Variants in SYT16 observed in about 807,000 individuals in gnomAD.
SYT16 encodes synaptotagmin 16.
SYT16 carries 42 observed loss-of-function variants against 61.4 expected under a neutral mutation model. The ratio of observed to expected loss-of-function variants is 0.68; its 90% confidence interval spans 0.53 to 0.89. The LOEUF is 0.89. Among genes scored for constraint, SYT16 ranks in the 40% least tolerant of loss-of-function variants. SYT16 has a pLI of 0.00. For missense variants in SYT16, 804 were observed against 807.3 expected (o/e 1.00, Z 0.05); for synonymous variants, 314 against 302.3 (o/e 1.04, Z -0.40).
intron 1 of SYT16, among the ~76,000 whole-genome samples, chr14:61,878,933 T>A (rs545165210): frequency 2.6e-5 from 4 of 152,348 alleles, no homozygotes; most frequent in Admixed American, 2.6e-4. Flanking sequence ...GCAATGTCTA[T>A]GTAGCAAGCA....
At chr14:61,870,888 C>T (rs1183617216) in intron 1 of SYT16, among the ~76,000 whole-genome samples, 2 of 152,150 alleles carry the variant, frequency 1.3e-5, no homozygotes, top group Non-Finnish European at 2.9e-5. Flanking sequence ...ATTCTATAAT[C>T]TCTGTCATTA....
At chr14:61,856,618 A>T (rs930843993) in intron 1 of SYT16, among the ~76,000 whole-genome samples, 4 of 152,016 alleles carry the variant, frequency 2.6e-5, no homozygotes, top group Admixed American at 6.6e-5. Flanking sequence ...ATGAGTGGAG[A>T]TCAGGAATTT....
chr14:62,095,656 C>T (rs1221601265), intron 7 of SYT16, among the ~76,000 whole-genome samples: 1 of 151,768 alleles, frequency 6.6e-6, no homozygotes, highest in Non-Finnish European at 1.5e-5. Context: ...AAGAATATTC[C>T]ATATTGTAAA....
chr14:62,021,528 T>C (rs2053908843), intron 3 of SYT16, among the ~76,000 whole-genome samples: 1 of 152,090 alleles, frequency 6.6e-6, no homozygotes, highest in East Asian at 1.9e-4. Context: ...TGCAGAGGTC[T>C]TCAACTGTGC....
chr14:62,073,263 G>C (rs2056366399), intron 4 of SYT16, among the ~76,000 whole-genome samples: 1 of 152,188 alleles, frequency 6.6e-6, no homozygotes, highest in African/African-American at 2.4e-5. Flanking sequence ...TTAAAGTCAT[G>C]AGACAATTTT....
intron 1 of SYT16, among the ~76,000 whole-genome samples, chr14:61,880,466 C>T (rs2047660657): frequency 6.6e-6 from 1 of 152,102 alleles, no homozygotes; most frequent in Non-Finnish European, 1.5e-5. Context: ...TTTACTATTT[C>T]ATGTGCATTT....
chr14:61,841,568 G>A (rs1050905463), intron 1 of SYT16, among the ~76,000 whole-genome samples: 3 of 152,096 alleles, frequency 2.0e-5, no homozygotes, highest in Non-Finnish European at 2.9e-5. Flanking sequence ...CCTGTTACAT[G>A]GGTATTACAT....
chr14:62,035,012 G>A (rs958575662), intron 3 of SYT16, among the ~76,000 whole-genome samples: 2 of 152,144 alleles, frequency 1.3e-5, no homozygotes, highest in African/African-American at 2.4e-5. Context: ...TTGCCTTGTG[G>A]CTTTGGTGTG....
At chr14:62,009,877 C>G (rs1025534179) in intron 3 of SYT16, among the ~76,000 whole-genome samples, 1 of 152,078 alleles carries the variant, frequency 6.6e-6, no homozygotes, top group South Asian at 2.1e-4. Context: ...GTGGTGCTTC[C>G]GATTTCTGAT....
chr14:61,932,315 G>A (rs1031931102), intron 1 of SYT16, among the ~76,000 whole-genome samples: 12 of 152,214 alleles, frequency 7.9e-5, no homozygotes, highest in Admixed American at 3.9e-4. Context: ...ATAGGAGTCT[G>A]TGTTAGTCTG....
intron 7 of SYT16, among the ~76,000 whole-genome samples, chr14:62,085,801 A>G (rs566637897): frequency 2.6e-5 from 4 of 152,380 alleles, no homozygotes; most frequent in African/African-American, 9.6e-5. Context: ...TTTAGAATGC[A>G]TAATAGATGC....
At chr14:62,081,405 C>T in intron 6 of SYT16, 131 bp downstream of exon 6, 5 of 986,344 alleles carry the variant, frequency 5.1e-6, no homozygotes, top group Non-Finnish European at 7.4e-6. Context: ...CTCTCCTCAC[C>T]CTTGTAAGCC....
rs144612627 is a variant in SYT16, at chr14:61,988,358, G to A, written c.-144-7518G>A. Among the ~76,000 whole-genome samples, 1,450 of 152,302 alleles carry A rather than the reference G, an allele frequency of 9.5e-3. 18 individuals carry two copies. The highest frequency in any genetic ancestry group is 0.034 in the African/African-American group (1,395 of 41,572). On this transcript the variant is annotated intron_variant, in intron 2 of 7. Transcript: ENST00000683842. ...AAAAATATTGTGTCATTAAAGCCAT[G>A]TTAAATAGTCCCCCTGGAGATGCTG...
intron 1 of SYT16, among the ~76,000 whole-genome samples, chr14:61,885,612 T>C (rs1387462237): frequency 1.3e-5 from 2 of 152,232 alleles, no homozygotes; most frequent in Non-Finnish European, 2.9e-5. Context: ...TTAGAATGTC[T>C]TACTTGATAG....
intron 1 of SYT16, among the ~76,000 whole-genome samples, chr14:61,892,041 G>C (rs1232958458): frequency 6.6e-6 from 1 of 152,060 alleles, no homozygotes; most frequent in Non-Finnish European, 1.5e-5. Flanking sequence ...TTCAAAGGAA[G>C]ATCTCACTTC....
At position 62,078,067 on chromosome 14, in the gene SYT16, C is replaced by T. The variant is rs138599076; in HGVS notation, c.993+2676C>T. Among the ~76,000 whole-genome samples, 859 of 151,446 alleles carry T rather than the reference C, an allele frequency of 5.7e-3. 5 individuals are homozygous for T. The highest frequency in any genetic ancestry group is 9.4e-3 in the Non-Finnish European group (638 of 67,904). ...AAACCACAGAGAGTGTGATTCCAACCCCCACCTTCCGTCTTCTCCCCCTTC... is the reference window on the plus strand; with the variant it reads ...AAACCACAGAGAGTGTGATTCCAACTCCCACCTTCCGTCTTCTCCCCCTTC... On this transcript the variant is annotated intron_variant, in intron 5 of 7. Coordinates refer to ENST00000683842, the MANE Select transcript of SYT16 (RefSeq NM_001367656.1).
chr14:61,851,086 G>A (rs2046602495), intron 1 of SYT16, among the ~76,000 whole-genome samples: 1 of 151,820 alleles, frequency 6.6e-6, no homozygotes, highest in Admixed American at 6.6e-5. Context: ...ACAGGCCCCA[G>A]TGTGTGTTGT....
intron 3 of SYT16, among the ~76,000 whole-genome samples, chr14:62,004,914 C>T (rs964837600): frequency 7.2e-5 from 11 of 152,164 alleles, no homozygotes; most frequent in Admixed American, 4.6e-4. Flanking sequence ...TCTACTAGAC[C>T]TCCCTTGACA....
intron 1 of SYT16, among the ~76,000 whole-genome samples, chr14:61,960,640 C>G (rs992723868): frequency 4.6e-5 from 7 of 152,128 alleles, no homozygotes; most frequent in African/African-American, 1.7e-4. Context: ...ATAATATTAT[C>G]TGCAAACATG....
Sources: gnomAD v4.1 joint callset for allele counts (sites outside exome capture counted in the v4.1 genomes callset) on GRCh38, gnomAD v4.1.1 for gene constraint, MANE v1.5 for transcripts, NCBI Gene and HGNC (gene_info 2026-07-23, HGNC 2026-07-21) for gene names.